CMTM4: variants seen among roughly 807,000 people sequenced by gnomAD.
CMTM4 encodes the protein CKLF-like MARVEL transmembrane domain-containing protein 4.
In CMTM4, 8 loss-of-function variants were observed where a neutral mutation model predicts 19.0. That is an observed-to-expected ratio of 0.42 (90% CI 0.25 to 0.76). The LOEUF (loss-of-function observed/expected upper bound fraction) is 0.76. Ranked by LOEUF, CMTM4 falls within the 30% of genes least tolerant of loss-of-function variation. The probability of loss-of-function intolerance (pLI) is 0.27; values close to 1 mark genes in which losing one functional copy is unlikely to be tolerated. For synonymous variants in CMTM4, 106 were observed against 121.1 expected, an observed-to-expected ratio of 0.88 and a Z score of 0.82; for missense variants, 228 against 290.2, an observed-to-expected ratio of 0.79 and a Z score of 1.56.
At chr16:66,683,422 G>T (rs1364912469) in intron 1 of CMTM4, among the ~76,000 whole-genome samples, 1 of 147,008 alleles carries the variant, frequency 6.8e-6, no homozygotes, top group Admixed American at 7.0e-5. Flanking sequence ...CTCCCGAGCA[G>T]CTGGGACTAC....
intron 1 of CMTM4, among the ~76,000 whole-genome samples, chr16:66,638,756 G>A (rs566537621): frequency 1.6e-4 from 24 of 152,280 alleles, no homozygotes; most frequent in African/African-American, 5.5e-4. Context: ...CTACTTGGGA[G>A]GCTGAGGCAG....
In CMTM4 at chr16:66,618,840, C is replaced by T; in HGVS notation, c.*3218G>A. ...TTCCCTGGCTGCCCACAGGCGTGAG[C>T]CTTCCTGCCAGGGGACAGTAACAGG... On this transcript the variant is annotated 3_prime_UTR_variant, in exon 4 of 4. Coordinates refer to ENST00000394106, the MANE Select transcript of CMTM4 (RefSeq NM_181521.3). The T allele has an allele frequency of 2.0e-6, 2 of 985,512 alleles. No individual in the cohort carries two copies. Among genetic ancestry groups the T allele is most frequent in the Non-Finnish European group, 2.4e-6 (2 of 829,962 alleles). 61.0% of individuals were successfully genotyped at this position (985,512 alleles called of 1,614,324 possible).
At chr16:66,640,020 T>A (rs1460622671) in intron 1 of CMTM4, among the ~76,000 whole-genome samples, 1 of 151,236 alleles carries the variant, frequency 6.6e-6, no homozygotes, top group Non-Finnish European at 1.5e-5. Flanking sequence ...TCTAAAAAAA[T>A]TTTAACATAA....
At chr16:66,626,319 TGTGGCCAGGCGTG>T (rs2144789042) in intron 2 of CMTM4, among the ~76,000 whole-genome samples, 1 of 151,908 alleles carries the variant, frequency 6.6e-6, no homozygotes, top group East Asian at 1.9e-4. Flanking sequence ...AAAAATTAGC[TGTGGCCAGGCGTG>T]GTGGCTCACA....
At chr16:66,612,093 G>A (rs1432555563), downstream of CMTM4, among the ~76,000 whole-genome samples, 1 of 152,122 alleles carries the variant, frequency 6.6e-6, no homozygotes, top group African/African-American at 2.4e-5. This position sits in a 1 kb window ranked among gnomAD's most constrained non-coding sequence, Gnocchi z 6.0. Context: ...ACCCCCACCT[G>A]CACCCGCACC....
intron 1 of CMTM4, among the ~76,000 whole-genome samples, chr16:66,648,480 G>A (rs2016247980): frequency 2.0e-5 from 3 of 152,016 alleles, no homozygotes; most frequent in African/African-American, 7.2e-5. Flanking sequence ...CCAACATGGT[G>A]AAACCCCATC....
the CMTM4 span, among the ~76,000 whole-genome samples, chr16:66,601,107 CTGTGTGTG>C: frequency 1.1e-4 from 16 of 143,032 alleles, no homozygotes; most frequent in South Asian, 2.3e-4. Flanking sequence ...GTGTGTGTGT[CTGTGTGTG>C]TGTGTGTGTG....
At chr16:66,648,220 T>C (rs1385427104) in intron 1 of CMTM4, among the ~76,000 whole-genome samples, 1 of 152,232 alleles carries the variant, frequency 6.6e-6, no homozygotes, top group African/African-American at 2.4e-5. Context: ...CTCTGAAATG[T>C]AGCTGCTCTA....
intron 1 of CMTM4, among the ~76,000 whole-genome samples, chr16:66,680,162 A>T (rs551072838): frequency 2.2e-4 from 33 of 152,306 alleles, no homozygotes; most frequent in African/African-American, 7.7e-4. Flanking sequence ...TGTACTGTAA[A>T]CTAAAAGCAA....
At chr16:66,630,991 C>T (rs1414625006) in intron 2 of CMTM4, among the ~76,000 whole-genome samples, 9 of 151,882 alleles carry the variant, frequency 5.9e-5, no homozygotes, top group East Asian at 5.9e-4. Flanking sequence ...CCAGCTGCCC[C>T]GTCTGAGAAG....
chr16:66,622,227 A>G lies in CMTM4; in HGVS notation c.463-5T>C. 6.2e-7 allele frequency: 1 copy of G among 1,613,460 alleles called. No individual in the cohort carries two copies. The highest frequency in any genetic ancestry group is 8.5e-7 in the Non-Finnish European group (1 of 1,179,836). On this transcript the variant is annotated splice_polypyrimidine_tract_variant and splice_region_variant and intron_variant, in intron 3 of 3. Coordinates refer to ENST00000394106, the MANE Select transcript of CMTM4 (RefSeq NM_181521.3). The surrounding 1 kb of genome is among the most constrained non-coding windows in gnomAD (Gnocchi z 4.0). Reference sequence around the variant, plus strand: ...AGTCGCCAAGAAGCCAAATATCTAAAAACACACCAGCACAGTTAGTCCTCG... The same window carrying G: ...AGTCGCCAAGAAGCCAAATATCTAAGAACACACCAGCACAGTTAGTCCTCG...
rs534268840 is a variant in CMTM4 at position 66,696,603 on chromosome 16, T to TCGCCGC, written c.-84_-79dup. Reference sequence around the variant, plus strand: ...GGGCGGACTCAGCGGGGCCGCCGCATCGCCGCCGCCGCCGCCGCCGCCGCC... The same window carrying TCGCCGC: ...GGGCGGACTCAGCGGGGCCGCCGCATCGCCGCCGCCGCCGCCGCCGCCGCCGCCGCC... On this transcript the variant is annotated 5_prime_UTR_variant, in exon 1 of 4. Coordinates refer to ENST00000394106, the MANE Select transcript of CMTM4 (RefSeq NM_181521.3). This position sits in a 1 kb window ranked among gnomAD's most constrained non-coding sequence, Gnocchi z 4.3. The TCGCCGC allele has an allele frequency of 2.9e-4, 239 of 814,906 alleles. No homozygotes were observed. Among genetic ancestry groups the TCGCCGC allele is most frequent in the Middle Eastern group, 1.2e-3 (2 of 1,630 alleles). 50.5% of individuals were successfully genotyped at this position (814,906 alleles called of 1,614,324 possible).
the CMTM4 span, chr16:66,608,230 C>G: frequency 3.3e-6 from 5 of 1,526,298 alleles, no homozygotes; most frequent in Admixed American, 8.6e-5. The surrounding 1 kb of genome is among the most constrained non-coding windows in gnomAD (Gnocchi z 5.1). Flanking sequence ...TCTATCCTGA[C>G]CACAGGGCCT....
At chr16:66,691,650 A>T (rs2017137433) in intron 1 of CMTM4, among the ~76,000 whole-genome samples, 1 of 152,192 alleles carries the variant, frequency 6.6e-6, no homozygotes, top group Non-Finnish European at 1.5e-5. Flanking sequence ...GCAGTAACCT[A>T]TGATTGTACC....
downstream of CMTM4, chr16:66,613,065 C>T (rs1236265865): frequency 4.3e-6 from 3 of 703,034 alleles, no homozygotes; most frequent in Admixed American, 4.0e-5. Context: ...CCGCCAGGCC[C>T]CGGTGGGTTT....
In CMTM4 at chr16:66,696,412, G is replaced by C; in HGVS notation, c.114C>G (p.Arg38=). Residue 38 remains arginine (R), a synonymous_variant, in exon 1 of 4, where the codon CGC becomes CGG. Coordinates refer to ENST00000394106, the MANE Select transcript of CMTM4 (RefSeq NM_181521.3). This position sits in a 1 kb window ranked among gnomAD's most constrained non-coding sequence, Gnocchi z 4.3. ...QPTTEPVSQR[R]GLAGLRCDPD... is the part of the protein sequence containing the mutation. ...GGTCGCAGCGCAGGCCGGCCAGCCCGCGGCGCTGGCTCACCGGCTCGGTGG... is the reference window on the plus strand; with the variant it reads ...GGTCGCAGCGCAGGCCGGCCAGCCCCCGGCGCTGGCTCACCGGCTCGGTGG... 1 of 1,406,744 alleles carries C rather than the reference G, an allele frequency of 7.1e-7. No individual in the cohort carries two copies. The highest frequency in any genetic ancestry group is 2.9e-5 in the Admixed American group (1 of 34,088). The allele number at this position is 1,406,744 out of a possible 1,614,324, so 87.1% of individuals were successfully genotyped here. A position where few individuals can be genotyped will look rare whatever the true frequency, so the allele number is the denominator to read the frequency against.
chr16:66,619,622 A>G lies in CMTM4; in HGVS notation c.*2436T>C. On this transcript the variant is annotated 3_prime_UTR_variant, in exon 4 of 4. Coordinates refer to ENST00000394106, the MANE Select transcript of CMTM4 (RefSeq NM_181521.3). ...ATATAAGAAAAATATAGGCGTCTTC[A>G]TATTCACCTTGGATAACCCTATTCC... 5 of 985,380 alleles carry G rather than the reference A, an allele frequency of 5.1e-6. No homozygotes were observed. Among genetic ancestry groups the G allele is most frequent in the Non-Finnish European group, 6.0e-6 (5 of 829,934 alleles). 61.0% of individuals were successfully genotyped at this position (985,380 alleles called of 1,614,324 possible).
chr16:66,606,629 A>G, the CMTM4 span, among the ~76,000 whole-genome samples: 1 of 152,158 alleles, frequency 6.6e-6, no homozygotes, highest in Non-Finnish European at 1.5e-5. Flanking sequence ...AGACATGTTC[A>G]AACGCAGCCA....
intron 1 of CMTM4, among the ~76,000 whole-genome samples, chr16:66,683,533 C>G (rs556407607): frequency 6.6e-6 from 1 of 151,494 alleles, no homozygotes; most frequent in East Asian, 1.9e-4. Flanking sequence ...CCTCGTGATC[C>G]GCCTGCCTCG....
Sources: gnomAD v4.1 joint callset for allele counts (sites outside exome capture counted in the v4.1 genomes callset) on GRCh38, gnomAD v4.1.1 for gene constraint, Gnocchi (gnomAD v3.1) non-coding constraint, MANE v1.5 for transcripts, NCBI Gene and HGNC (gene_info 2026-07-23, HGNC 2026-07-21) for gene names.